The following TTC21B variants were observed in gnomAD, a reference collection of about 807,000 sequenced individuals.
TTC21B encodes the protein tetratricopeptide repeat domain 21B, also known as tetratricopeptide repeat protein 21B.
Under a neutral mutation model 175.1 loss-of-function variants are expected in TTC21B, and 127 were observed. That is an observed-to-expected ratio of 0.73 (90% confidence interval 0.63 to 0.84). The LOEUF is 0.84. Ranked by LOEUF, TTC21B falls within the 40% of genes least tolerant of loss-of-function variation. TTC21B has a pLI of 0.00. For missense variants in TTC21B, 1,561 were observed against 1,558.3 expected (o/e 1.00, Z -0.03); for synonymous variants, 524 against 524.5 (o/e 1.00, Z 0.01).
intron 10 of TTC21B, 37 bp downstream of exon 10, chr2:165,929,613 G>C: frequency 2.2e-6 from 3 of 1,390,284 alleles, no homozygotes; most frequent in Non-Finnish European, 3.1e-6. Flanking sequence ...TTTATAAACA[G>C]CTAGCATCTA....
intron 6 of TTC21B, among the ~76,000 whole-genome samples, chr2:165,935,391 C>CAGTGTG (rs149386934): frequency 0.022 from 3,332 of 152,164 alleles, 130 homozygotes; most frequent in African/African-American, 0.076. Context: ...GTACAGTGCA[C>CAGTGTG]TATACTGAAC....
At chr2:165,918,587 G>A (rs745671007) in intron 13 of TTC21B, among the ~76,000 whole-genome samples, 1 of 152,074 alleles carries the variant, frequency 6.6e-6, no homozygotes, top group Non-Finnish European at 1.5e-5. Flanking sequence ...GAGCCACCAC[G>A]CCCGGCCTTC....
At chr2:165,908,526 C>G (rs1685821311) in intron 18 of TTC21B, among the ~76,000 whole-genome samples, 1 of 152,082 alleles carries the variant, frequency 6.6e-6, no homozygotes, top group Non-Finnish European at 1.5e-5. Context: ...TTTCCTCCAC[C>G]ATTTGTCAAG....
Position 165,888,447 on chromosome 2 carries a change from C to T in TTC21B, c.3291G>A (p.Val1097=). Residue 1097 remains valine, a synonymous_variant, in exon 25 of 29, where the codon GTG becomes GTA. Coordinates refer to ENST00000243344, the MANE Select transcript of TTC21B (RefSeq NM_024753.5). ...TTTCTGCTGTTCTTACTGCCAGTTG[C>T]ACAGATTCTTGCTTCTCAGTTGAAT... The part of the protein sequence containing the change: ...LGNSTEKQES[V]QLAVRTAEKL... 6.2e-7 allele frequency: 1 copy of T among 1,613,696 alleles called. No homozygotes were observed. Among genetic ancestry groups the T allele is most frequent in the Non-Finnish European group, 8.5e-7 (1 of 1,179,804 alleles).
At chr2:165,905,449 A>T (rs778303491) in intron 19 of TTC21B, among the ~76,000 whole-genome samples, 2 of 152,270 alleles carry the variant, frequency 1.3e-5, no homozygotes, top group South Asian at 2.1e-4. Context: ...AAAGTAAAAG[A>T]ATGCAGGAGA....
Position 165,874,632 on chromosome 2 carries a change from T to G in TTC21B, c.*123A>C. ...CTTGATGTACAGCAGCAACCTCTGC[T>G]GGAGAAAAAAGGGTATACTTCTAAT... is the stretch of plus-strand genomic sequence containing the variant. On this transcript the variant is annotated 3_prime_UTR_variant, in exon 29 of 29. Transcript: ENST00000243344. 2 of 842,312 alleles carry G rather than the reference T, an allele frequency of 2.4e-6. No individual in the cohort carries two copies. The highest frequency in any genetic ancestry group is 3.9e-6 in the Non-Finnish European group (2 of 506,376). 52.2% of individuals were successfully genotyped at this position (842,312 alleles called of 1,614,324 possible).
intron 14 of TTC21B, 42 bp downstream of exon 14, chr2:165,917,215 A>C: frequency 1.3e-6 from 2 of 1,551,256 alleles, no homozygotes; most frequent in Non-Finnish European, 1.8e-6. Flanking sequence ...TGTTAGAATA[A>C]GAAAGTTCAC....
chr2:165,912,143 T>C lies in TTC21B; in HGVS notation c.2322+371A>G, dbSNP rs1333283907. On this transcript the variant is annotated intron_variant, in intron 17 of 28. Coordinates refer to ENST00000243344, the MANE Select transcript of TTC21B (RefSeq NM_024753.5). ...ATATAACAGTTCAAGAAAAATCTGT[T>C]TCCCTTACTGGAAAAAAAAATGAAC... Among the ~76,000 whole-genome samples, 4 of 152,146 alleles carry C rather than the reference T, an allele frequency of 2.6e-5. No homozygotes were observed. The South Asian group carries it at 6.2e-4, about 24-fold the overall frequency.
chr2:165,944,558 A>C (rs974927805), intron 4 of TTC21B, among the ~76,000 whole-genome samples: 2 of 152,156 alleles, frequency 1.3e-5, no homozygotes, highest in African/African-American at 4.8e-5. Context: ...TTCTCAAGCC[A>C]CTTCATCCAA....
intron 12 of TTC21B, among the ~76,000 whole-genome samples, chr2:165,921,714 G>A (rs957089636): frequency 6.6e-6 from 1 of 150,990 alleles, no homozygotes; most frequent in Non-Finnish European, 1.5e-5. Flanking sequence ...AGTCATTGCA[G>A]TTGGCAATTT....
chr2:165,927,741 G>T (rs1686731924), intron 11 of TTC21B, among the ~76,000 whole-genome samples: 1 of 151,852 alleles, frequency 6.6e-6, no homozygotes, highest in Admixed American at 6.6e-5. Flanking sequence ...GTCAACCCCT[G>T]GTACAATTCT....
intron 1 of TTC21B, among the ~76,000 whole-genome samples, chr2:165,950,672 G>A (rs921292907): frequency 3.9e-5 from 6 of 152,100 alleles, no homozygotes; most frequent in Admixed American, 6.5e-5. Flanking sequence ...GTGCAGTGGC[G>A]CAATCTCTGC....
chr2:165,885,933 T>C (rs76475821), intron 25 of TTC21B, among the ~76,000 whole-genome samples: 2,916 of 152,298 alleles, frequency 0.019, 106 homozygotes, highest in African/African-American at 0.067. Context: ...ACAGCTGTTA[T>C]TATAAACATC....
At chr2:165,907,301 T>C (rs1407132937) in intron 19 of TTC21B, among the ~76,000 whole-genome samples, 1 of 151,612 alleles carries the variant, frequency 6.6e-6, no homozygotes, top group African/African-American at 2.4e-5. Context: ...CTTGGGAACA[T>C]ACCTAAGGAA....
chr2:165,883,242 C>T (rs1281692741), intron 26 of TTC21B, among the ~76,000 whole-genome samples: 1 of 151,974 alleles, frequency 6.6e-6, no homozygotes, highest in Non-Finnish European at 1.5e-5. Flanking sequence ...TGTAATTAAA[C>T]ATCAAAATGT....
rs149454830 is a variant in TTC21B at position 165,888,322 on chromosome 2, A to G, written c.3416T>C (p.Val1139Ala). 4.7e-4 allele frequency: 751 copies of G among 1,613,918 alleles called. 3 individuals carry two copies. The African/African-American group carries it at 9.0e-3, about 19-fold the overall frequency. The change falls in exon 25 of 29, where the codon GTT becomes GCT. Residue 1139 changes from valine to alanine, a missense_variant. Coordinates refer to ENST00000243344, the MANE Select transcript of TTC21B (RefSeq NM_024753.5). ...CLMATKQKSN[V>A]EQALNTFTEI... ...AGTGAAGGTATTTAATGCTTGTTCA[A>G]CATTAGATTTCTGTTTGGTAGCCAT...
rs780084619 is a variant in TTC21B, at chr2:165,899,854, G to A, written c.2784C>T (p.Tyr928=). 6.2e-7 allele frequency: 1 copy of A among 1,613,202 alleles called. No individual in the cohort carries two copies. Among genetic ancestry groups the A allele is most frequent in the East Asian group, 2.2e-5 (1 of 44,872 alleles). Residue 928 remains tyrosine, a synonymous_variant, in exon 21 of 29, where the codon TAC becomes TAT. Transcript: ENST00000243344. ...NKIMLELARL[Y]LAQDDPDSCL... is the part of the protein sequence containing the mutation. ...AGGAATCAGGGTCATCTTGTGCCAG[G>A]TATAATCGTGCCAGTTCCAACATAA...
At chr2:165,931,887 AAT>A in intron 7 of TTC21B, 31 bp from the exon 8 acceptor site, 1 of 1,453,252 alleles carries the variant, frequency 6.9e-7, no homozygotes. Context: ...ATTAACTTAA[AAT>A]ATACTAAGTA....
intron 27 of TTC21B, chr2:165,879,869 C>T (rs547911589): frequency 2.0e-5 from 3 of 152,152 alleles, no homozygotes; most frequent in Non-Finnish European, 4.4e-5. Context: ...ATGAGAGACT[C>T]GGAATCCAAT....
Sources: allele counts gnomAD v4.1 joint callset (sites outside exome capture counted in the v4.1 genomes callset), GRCh38; gene constraint gnomAD v4.1.1; transcripts MANE v1.5; gene names NCBI Gene and HGNC (gene_info 2026-07-23, HGNC 2026-07-21).